Variants in QNG1 observed in about 807,000 individuals in gnomAD.
The protein encoded by QNG1 is Q-nucleotide N-glycosylase 1, also known as queuosine 5'-phosphate N-glycosylase/hydrolase.
chr9:83,955,073 C>G, the QNG1 span, among the ~76,000 whole-genome samples: 3 of 151,238 alleles, frequency 2.0e-5, no homozygotes, highest in Non-Finnish European at 4.4e-5. Flanking sequence ...GTGGCGCATC[C>G]CTGTAATCCA....
chr9:83,956,347 G>A, the QNG1 span: 1 of 1,612,526 alleles, frequency 6.2e-7, no homozygotes, highest in South Asian at 1.1e-5. Flanking sequence ...AGCTCATGAA[G>A]GGCTTTCCAC....
the QNG1 span, among the ~76,000 whole-genome samples, chr9:83,953,472 T>A: frequency 2.0e-5 from 3 of 148,210 alleles, no homozygotes; most frequent in Non-Finnish European, 4.5e-5. Flanking sequence ...CTCAGCCTCC[T>A]GAGTAGCTGG....
the QNG1 span, chr9:83,956,545 C>T: frequency 6.7e-7 from 1 of 1,488,370 alleles, no homozygotes; most frequent in South Asian, 1.4e-5. Flanking sequence ...CCGCCCTAGG[C>T]GGGTCAAGGT....
chr9:83,955,624 A>C, the QNG1 span: 1 of 1,612,912 alleles, frequency 6.2e-7, no homozygotes, highest in Admixed American at 1.7e-5. Flanking sequence ...AGTACGAGGC[A>C]CTAGTTATTG....
At chr9:83,943,932 A>C in the QNG1 span, among the ~76,000 whole-genome samples, 1 of 152,080 alleles carries the variant, frequency 6.6e-6, no homozygotes, top group Non-Finnish European at 1.5e-5. Flanking sequence ...GAGGCAGGAG[A>C]ATGGCCTGAA....
At chr9:83,953,476 T>G in the QNG1 span, among the ~76,000 whole-genome samples, 5 of 144,820 alleles carry the variant, frequency 3.5e-5, no homozygotes, top group Non-Finnish European at 7.5e-5. Flanking sequence ...GCCTCCTGAG[T>G]AGCTGGGATT....
the QNG1 span, among the ~76,000 whole-genome samples, chr9:83,943,093 G>C: frequency 6.6e-6 from 1 of 152,116 alleles, no homozygotes; most frequent in African/African-American, 2.4e-5. Context: ...TGTAATCCCA[G>C]CACTTTGGGA....
At chr9:83,956,563 G>T in the QNG1 span, 3 of 1,401,974 alleles carry the variant, frequency 2.1e-6, no homozygotes, top group Admixed American at 7.1e-5. Flanking sequence ...GGTCCACTCT[G>T]CGCCTTGCGC....
chr9:83,953,675 T>C, the QNG1 span: 1 of 695,648 alleles, frequency 1.4e-6, no homozygotes. Flanking sequence ...TTTATTTTTT[T>C]GAGATGGAGT....
chr9:83,955,381 C>T, the QNG1 span: 1 of 1,612,692 alleles, frequency 6.2e-7, no homozygotes, highest in Non-Finnish European at 8.5e-7. Flanking sequence ...AGCAACTCAC[C>T]TCAAACAGAG....
At chr9:83,947,128 A>G in the QNG1 span, among the ~76,000 whole-genome samples, 1 of 152,202 alleles carries the variant, frequency 6.6e-6, no homozygotes, top group African/African-American at 2.4e-5. Flanking sequence ...TAGATTATGG[A>G]AAAACATAGA....
At chr9:83,946,290 G>T in the QNG1 span, among the ~76,000 whole-genome samples, 2 of 151,988 alleles carry the variant, frequency 1.3e-5, no homozygotes, top group African/African-American at 2.4e-5. Flanking sequence ...GGGCAACAGA[G>T]CAAGGCTCTG....
chr9:83,950,382 T>C, the QNG1 span, among the ~76,000 whole-genome samples: 3 of 152,162 alleles, frequency 2.0e-5, no homozygotes, highest in Admixed American at 6.6e-5. Context: ...AAGCTCATTA[T>C]GGTTTTAGAA....
At chr9:83,956,827 C>T in the QNG1 span, 23 of 259,576 alleles carry the variant, frequency 8.9e-5, no homozygotes, top group Non-Finnish European at 1.5e-4. Flanking sequence ...GCTAAGGGTC[C>T]GGCGTTCACC....
the QNG1 span, among the ~76,000 whole-genome samples, chr9:83,942,410 G>A: frequency 1.3e-5 from 2 of 152,184 alleles, no homozygotes; most frequent in Non-Finnish European, 1.5e-5. Context: ...CGTCTTTGGT[G>A]AAGAGATGGG....
the QNG1 span, among the ~76,000 whole-genome samples, chr9:83,952,030 A>C: frequency 1.3e-5 from 2 of 152,190 alleles, no homozygotes; most frequent in African/African-American, 4.8e-5. Context: ...TTGCTCTTCC[A>C]GGCTGGAGTA....
At chr9:83,944,216 A>G in the QNG1 span, among the ~76,000 whole-genome samples, 3 of 152,234 alleles carry the variant, frequency 2.0e-5, no homozygotes, top group African/African-American at 7.2e-5. Flanking sequence ...CATGAAAATC[A>G]TATAATTATT....
At chr9:83,953,966 C>A in the QNG1 span, 4 of 629,848 alleles carry the variant, frequency 6.4e-6, no homozygotes, top group Non-Finnish European at 1.1e-5. Flanking sequence ...GCAATCTCGG[C>A]TCACTGCAGC....
the QNG1 span, among the ~76,000 whole-genome samples, chr9:83,950,299 C>T: frequency 1.3e-5 from 2 of 151,840 alleles, no homozygotes; most frequent in South Asian, 4.1e-4. Flanking sequence ...CCACCTGCCT[C>T]GGCCTCCCAA....
Sources: gnomAD v4.1 joint callset for allele counts (sites outside exome capture counted in the v4.1 genomes callset) on GRCh38, gnomAD v4.1.1 for gene constraint, MANE v1.5 for transcripts, NCBI Gene and HGNC (gene_info 2026-07-23, HGNC 2026-07-21) for gene names.